GALNT12: variants seen among roughly 807,000 people sequenced by gnomAD.
GALNT12 encodes the protein polypeptide N-acetylgalactosaminyltransferase 12.
A neutral mutation model predicts 55.5 loss-of-function variants in GALNT12; 45 were observed. That is an observed-to-expected ratio of 0.81 (90% confidence interval 0.64 to 1.04). The LOEUF (loss-of-function observed/expected upper bound fraction) is 1.04, where lower values mean the gene tolerates loss of function less well. Ranked by LOEUF, GALNT12 falls within the 50% of genes least tolerant of loss-of-function variation. The probability of loss-of-function intolerance (pLI) is 0.00; values close to 1 mark genes in which losing one functional copy is unlikely to be tolerated. For missense variants in GALNT12, 709 were observed against 754.8 expected (o/e 0.94, Z 0.71); for synonymous variants, 304 against 312.2 (o/e 0.97, Z 0.28).
At chr9:98,808,148 G>T in intron 1 of GALNT12, 79 bp downstream of exon 1, 1 of 1,173,948 alleles carries the variant, frequency 8.5e-7, no homozygotes, top group Admixed American at 2.0e-5. Flanking sequence ...GTGGCAGGGC[G>T]GGGAGCTGGG....
intron 2 of GALNT12, 32 bp from the exon 3 acceptor site, chr9:98,826,720 G>A (rs1398136869): frequency 1.2e-6 from 2 of 1,601,824 alleles, no homozygotes; most frequent in Admixed American, 1.7e-5. Flanking sequence ...AGATTGTCAC[G>A]GTGACCCCTG....
intron 1 of GALNT12, among the ~76,000 whole-genome samples, chr9:98,813,285 A>C (rs2118290318): frequency 6.6e-6 from 1 of 152,346 alleles, no homozygotes; most frequent in South Asian, 2.1e-4. Context: ...TCTGGTTTGC[A>C]CCATTGCTAT....
intron 3 of GALNT12, among the ~76,000 whole-genome samples, chr9:98,831,267 TGGA>T (rs1454575331): frequency 6.6e-6 from 1 of 152,256 alleles, no homozygotes; most frequent in Non-Finnish European, 1.5e-5. Flanking sequence ...ACCCTCTGAA[TGGA>T]TATTATAATT....
rs1044005078 is a variant in GALNT12, at chr9:98,849,633, T to C, written c.*541T>C. On this transcript the variant is annotated 3_prime_UTR_variant, in exon 10 of 10. Coordinates refer to ENST00000375011, the MANE Select transcript of GALNT12 (RefSeq NM_024642.5). ...GTCATTGAGATCTTCTAGATGTATT[T>C]TAAAAAGAATGCTTTTTGGTTATGT... The C allele has an allele frequency of 2.2e-5, 9 of 408,948 alleles. No individual in the cohort carries two copies. Among genetic ancestry groups the C allele is most frequent in the Admixed American group, 8.0e-5 (2 of 24,910 alleles). The allele number at this position is 408,948 out of a possible 1,614,324, so 25.3% of individuals were successfully genotyped here.
rs1281430774 is a variant in GALNT12 at position 98,807,895 on chromosome 9, C to T, written c.197C>T (p.Pro66Leu). 2 of 1,150,504 alleles carry T rather than the reference C, an allele frequency of 1.7e-6. No individual in the cohort carries two copies. The highest frequency in any genetic ancestry group is 1.6e-5 in the African/African-American group (1 of 61,266). 71.3% of individuals were successfully genotyped at this position (1,150,504 alleles called of 1,614,324 possible). Residue 66 changes from proline (P) to leucine (L), a missense_variant, in exon 1 of 10, where the codon CCG becomes CTG. Physicochemically the swap from Pro to Leu is moderately conservative, Grantham distance 98. This residue lies in a region of GALNT12 where 110 missense variants were observed against 102.2 expected (regional missense o/e 1.08). Coordinates refer to ENST00000375011, the MANE Select transcript of GALNT12 (RefSeq NM_024642.5). ...CCCGGGCGGCGCGAGCCGGTCATGC[C>T]GCGGCCGCCGGTGCCGGCGAACGCG... is the stretch of plus-strand genomic sequence containing the variant. ...PRPGRREPVM[P>L]RPPVPANALG...
At chr9:98,841,593 A>G (rs999581147) in intron 7 of GALNT12, among the ~76,000 whole-genome samples, 2 of 152,194 alleles carry the variant, frequency 1.3e-5, no homozygotes, top group African/African-American at 4.8e-5. Flanking sequence ...TTTTTCATAA[A>G]GAAGAACACT....
At chr9:98,842,059 A>G (rs1836301902) in intron 7 of GALNT12, among the ~76,000 whole-genome samples, 1 of 111,672 alleles carries the variant, frequency 9.0e-6, no homozygotes, top group Admixed American at 1.0e-4. Context: ...CTCCAGTTGT[A>G]TCTACTGGGT....
At chr9:98,811,139 G>A (rs2118276034) in intron 1 of GALNT12, among the ~76,000 whole-genome samples, 1 of 152,298 alleles carries the variant, frequency 6.6e-6, no homozygotes, top group South Asian at 2.1e-4. Flanking sequence ...ACGGGTGAAA[G>A]CTACTGGCCT....
chr9:98,848,792 C>T, intron 9 of GALNT12, 160 bp from the exon 10 acceptor site: 1 of 820,278 alleles, frequency 1.2e-6, no homozygotes, highest in South Asian at 1.6e-5. Context: ...GGTGCTGTGT[C>T]CCCGGGACAG....
rs759724015 is a variant in GALNT12 at position 98,836,922 on chromosome 9, G to T, written c.1036-50G>T. ...TCTTTGCTGCAGATACTATGGACCC[G>T]CAGCTCATCCCCTGCTCACCACCTG... On this transcript the variant is annotated intron_variant, in intron 5 of 9. Transcript: ENST00000375011. 6 of 1,593,672 alleles carry T rather than the reference G, an allele frequency of 3.8e-6. No individual in the cohort carries two copies. In the East Asian group the frequency reaches 8.9e-5, roughly 24 times the overall value.
At chr9:98,842,635 T>A (rs1836317618) in intron 7 of GALNT12, among the ~76,000 whole-genome samples, 1 of 152,198 alleles carries the variant, frequency 6.6e-6, no homozygotes. Flanking sequence ...TTTTAAACAT[T>A]TCCTGCCATT....
intron 1 of GALNT12, among the ~76,000 whole-genome samples, chr9:98,813,121 A>G (rs181642092): frequency 6.2e-4 from 95 of 152,380 alleles, no homozygotes; most frequent in African/African-American, 2.1e-3. Context: ...TTCCTGAAAT[A>G]CATCATGTAT....
intron 8 of GALNT12, among the ~76,000 whole-genome samples, 156 bp from the exon 9 acceptor site, chr9:98,845,821 G>GA (rs1836396949): frequency 6.6e-6 from 1 of 152,160 alleles, no homozygotes; most frequent in South Asian, 2.1e-4. Flanking sequence ...AGGGCTGTGG[G>GA]ATGCGGAGGA....
intron 2 of GALNT12, among the ~76,000 whole-genome samples, chr9:98,825,974 C>CAA (rs58512059): frequency 9.6e-4 from 131 of 136,422 alleles, no homozygotes; most frequent in Admixed American, 1.6e-3. Flanking sequence ...GACCCTGTCT[C>CAA]AAAAAAAAAA....
chr9:98,849,329 C>A lies in GALNT12; in HGVS notation c.*237C>A. ...AAATACCCTATTTTCAAAGGGTAATCGTAAGATGTTAACCCTTGGTATTTA... is the reference window on the plus strand; with the variant it reads ...AAATACCCTATTTTCAAAGGGTAATAGTAAGATGTTAACCCTTGGTATTTA... On this transcript the variant is annotated 3_prime_UTR_variant, in exon 10 of 10. Coordinates refer to ENST00000375011, the MANE Select transcript of GALNT12 (RefSeq NM_024642.5). 1 of 600,896 alleles carries A rather than the reference C, an allele frequency of 1.7e-6. No individual in the cohort carries two copies. Among genetic ancestry groups the A allele is most frequent in the Non-Finnish European group, 2.9e-6 (1 of 339,608 alleles). 37.2% of individuals were successfully genotyped at this position (600,896 alleles called of 1,614,324 possible).
intron 1 of GALNT12, among the ~76,000 whole-genome samples, chr9:98,819,195 G>T (rs1835680954): frequency 6.6e-6 from 1 of 152,180 alleles, no homozygotes; most frequent in South Asian, 2.1e-4. Flanking sequence ...CATGTGTGGT[G>T]GTTTTAAAAT....
chr9:98,819,665 T>C (rs893442662), intron 1 of GALNT12, among the ~76,000 whole-genome samples: 2 of 152,038 alleles, frequency 1.3e-5, no homozygotes, highest in Admixed American at 1.3e-4. Context: ...GACCTAGAAC[T>C]CATTCCAGGG....
chr9:98,819,670 C>G (rs1251638116), intron 1 of GALNT12, among the ~76,000 whole-genome samples: 1 of 152,056 alleles, frequency 6.6e-6, no homozygotes, highest in East Asian at 1.9e-4. Flanking sequence ...AGAACTCATT[C>G]CAGGGAAGAG....
intron 9 of GALNT12, 179 bp from the exon 10 acceptor site, chr9:98,848,773 T>C (rs1422027263): frequency 5.5e-6 from 4 of 724,592 alleles, no homozygotes; most frequent in Non-Finnish European, 9.3e-6. Context: ...ACGCAGCCTG[T>C]ACAAGCCTGG....
Sources: gnomAD v4.1 joint callset for allele counts (sites outside exome capture counted in the v4.1 genomes callset) on GRCh38, gnomAD v4.1.1 for gene constraint, gnomAD v4.1.1 regional missense constraint, MANE v1.5 for transcripts, NCBI Gene and HGNC (gene_info 2026-07-23, HGNC 2026-07-21) for gene names.